The following SENP7 variants were observed in gnomAD, a reference collection of about 807,000 sequenced individuals.
SENP7 encodes the protein SUMO specific peptidase 7, also known as sentrin-specific protease 7.
SENP7 carries 64 observed loss-of-function variants against 141.2 expected under a neutral mutation model. The ratio of observed to expected loss-of-function variants is 0.45; its 90% confidence interval spans 0.37 to 0.56. The LOEUF (loss-of-function observed/expected upper bound fraction) is 0.56, where lower values mean the gene tolerates loss of function less well. Among genes scored for constraint, SENP7 ranks in the 20% least tolerant of loss-of-function variants. The pLI, the probability that SENP7 is intolerant of heterozygous loss-of-function variation, is 0.00. For missense variants in SENP7, 1,025 were observed against 1,212.2 expected (o/e 0.85, Z 2.29); for synonymous variants, 382 against 426.4 (o/e 0.90, Z 1.28).
intron 15 of SENP7, 108 bp from the exon 16 acceptor site, chr3:101,340,319 C>CT: frequency 7.5e-7 from 1 of 1,333,436 alleles, no homozygotes. Context: ...TAACTCAAAT[C>CT]TGTAGGGTAA....
At chr3:101,508,543 G>A (rs1417503652) in intron 1 of SENP7, among the ~76,000 whole-genome samples, 1 of 152,140 alleles carries the variant, frequency 6.6e-6, no homozygotes, top group East Asian at 1.9e-4. Flanking sequence ...AGCTTGCAGT[G>A]AGCCGAGATC....
intron 4 of SENP7, among the ~76,000 whole-genome samples, chr3:101,427,752 T>A (rs1379549554): frequency 6.6e-6 from 1 of 152,108 alleles, no homozygotes. Context: ...AACATGCAGG[T>A]CTGTTACATA....
intron 4 of SENP7, among the ~76,000 whole-genome samples, chr3:101,450,053 G>A (rs1023686054): frequency 1.3e-5 from 2 of 152,142 alleles, no homozygotes; most frequent in Non-Finnish European, 1.5e-5. Flanking sequence ...AAAGGCAGGG[G>A]TTGCAATCCT....
At chr3:101,360,541 A>G (rs1194764125) in intron 11 of SENP7, among the ~76,000 whole-genome samples, 2 of 152,228 alleles carry the variant, frequency 1.3e-5, no homozygotes, top group Admixed American at 6.5e-5. Context: ...TCCCTAACAC[A>G]GTGAAATATG....
At chr3:101,464,790 A>G (rs979387239) in intron 3 of SENP7, among the ~76,000 whole-genome samples, 4 of 152,178 alleles carry the variant, frequency 2.6e-5, no homozygotes, top group African/African-American at 9.7e-5. Flanking sequence ...ATTGTCTTCC[A>G]TGAAACCTGA....
At chr3:101,363,170 C>T (rs2059945830) in intron 10 of SENP7, 1 of 906,610 alleles carries the variant, frequency 1.1e-6, no homozygotes, top group Non-Finnish European at 1.3e-6. Context: ...TGTTTTATTG[C>T]TTAGTATACT....
At position 101,466,641 on chromosome 3, in the gene SENP7, A is replaced by G. The variant is rs80290254; in HGVS notation, c.187-7589T>C. 1.4e-3 allele frequency among the ~76,000 whole-genome samples: 211 copies of G among 152,324 alleles called. 2 individuals are homozygous for G. Among genetic ancestry groups the G allele is most frequent in the African/African-American group, 5.0e-3 (209 of 41,576 alleles). On this transcript the variant is annotated intron_variant, in intron 3 of 23. Transcript: ENST00000394095. ...AACACACAAAAGTATAAAACTCAAT[A>G]GTAGAGCAGACACACAAATAAGACA...
chr3:101,432,997 T>A (rs2062240903), intron 4 of SENP7, among the ~76,000 whole-genome samples: 1 of 152,182 alleles, frequency 6.6e-6, no homozygotes, highest in African/African-American at 2.4e-5. Context: ...AAACTACTCT[T>A]ATCCTACGTA....
At chr3:101,366,881 G>A (rs1043304839) in intron 8 of SENP7, 112 bp from the exon 9 acceptor site, 2 of 659,814 alleles carry the variant, frequency 3.0e-6, no homozygotes, top group Non-Finnish European at 5.0e-6. Context: ...TAACTACATG[G>A]ATAGAAAACT....
Position 101,372,013 on chromosome 3 carries a change from G to A in SENP7, c.791C>T (p.Pro264Leu). The A allele has an allele frequency of 6.8e-7, 1 of 1,474,348 alleles. No individual in the cohort carries two copies. Among genetic ancestry groups the A allele is most frequent in the Non-Finnish European group, 9.2e-7 (1 of 1,086,648 alleles). 91.3% of individuals were successfully genotyped at this position (1,474,348 alleles called of 1,614,324 possible). A position where few individuals can be genotyped will look rare whatever the true frequency, so the allele number is the denominator to read the frequency against. Reference protein sequence around the residue: ...GISLLISDTQPEDLNSGSRGC... With the variant: ...GISLLISDTQLEDLNSGSRGC... ...GTTTTCTAAGGTTCACAAACCTTCA[G>A]GCTGAGTATCAGATATTAAAAGAGA... Residue 264 changes from proline to leucine, a missense_variant, in exon 7 of 24, where the codon CCT (proline) becomes CTT (leucine). Around this residue, in one of 4 missense-constraint regions of SENP7, gnomAD observed 496 missense variants for 503.5 expected, o/e 0.99. Transcript: ENST00000394095.
rs1045094039 is a variant in SENP7 at position 101,331,835 on chromosome 3, T to C, written c.2698+150A>G. ...CAACTTCAGAATTATATTTTGTCTA[T>C]CATTAAAAATTTCAGATTTTTTATT... On this transcript the variant is annotated intron_variant, in intron 19 of 23. Coordinates refer to ENST00000394095, the MANE Select transcript of SENP7 (RefSeq NM_020654.5). The C allele has an allele frequency of 1.4e-5, 10 of 707,054 alleles. No individual in the cohort carries two copies. The African/African-American group carries it at 1.8e-4, about 13-fold the overall frequency. The allele number at this position is 707,054 out of a possible 1,614,324, so 43.8% of individuals were successfully genotyped here. A position where few individuals can be genotyped will look rare whatever the true frequency, so the allele number is the denominator to read the frequency against.
At chr3:101,504,446 C>G (rs890661382) in intron 1 of SENP7, among the ~76,000 whole-genome samples, 2 of 143,728 alleles carry the variant, frequency 1.4e-5, no homozygotes, top group African/African-American at 5.2e-5. Flanking sequence ...GCAACGAGGG[C>G]AAAATTCCAT....
At position 101,499,535 on chromosome 3, in the gene SENP7, A is replaced by ATTTTTTTTTTTTT. The variant is rs55855998; in HGVS notation, c.90+1522_90+1534dup. On this transcript the variant is annotated intron_variant, in intron 2 of 23. Transcript: ENST00000394095. ...AGGCACCTGCCATCATGCCCAGCTA[A>ATTTTTTTTTTTTT]TTTTTTTTTTTTTTCTTGGAGACAG... Among the ~76,000 whole-genome samples, 247 of 138,704 alleles carry ATTTTTTTTTTTTT rather than the reference A, an allele frequency of 1.8e-3. 4 individuals are homozygous for ATTTTTTTTTTTTT. The highest frequency in any genetic ancestry group is 5.3e-3 in the African/African-American group (195 of 36,690). 91.0% of individuals were successfully genotyped at this position (138,704 alleles called of 152,430 possible).
At chr3:101,471,852 G>C (rs2064009259) in intron 3 of SENP7, among the ~76,000 whole-genome samples, 1 of 152,042 alleles carries the variant, frequency 6.6e-6, no homozygotes, top group Non-Finnish European at 1.5e-5. Context: ...GATATGAACA[G>C]ACACTTCTCA....
intron 4 of SENP7, among the ~76,000 whole-genome samples, chr3:101,419,964 A>G (rs549319847): frequency 1.3e-5 from 2 of 152,338 alleles, no homozygotes; most frequent in South Asian, 4.1e-4. Flanking sequence ...AGTAGTGAAA[A>G]TGCGATTCAG....
At chr3:101,453,753 T>A (rs1056145476) in intron 4 of SENP7, among the ~76,000 whole-genome samples, 1 of 151,930 alleles carries the variant, frequency 6.6e-6, no homozygotes, top group South Asian at 2.1e-4. Context: ...CATTAGGAGA[T>A]ATACCTAATG....
At chr3:101,442,589 T>A (rs1318497455) in intron 4 of SENP7, among the ~76,000 whole-genome samples, 1 of 151,410 alleles carries the variant, frequency 6.6e-6, no homozygotes, top group Non-Finnish European at 1.5e-5. Context: ...GGGTTGGGGA[T>A]CCCAATCTAA....
chr3:101,359,472 T>A (rs1169806422), intron 11 of SENP7, among the ~76,000 whole-genome samples: 3 of 151,470 alleles, frequency 2.0e-5, no homozygotes. Context: ...CCAATTTGAA[T>A]GTACTTTCTT....
chr3:101,440,744 C>G (rs1431828234), intron 4 of SENP7, among the ~76,000 whole-genome samples: 2 of 152,044 alleles, frequency 1.3e-5, no homozygotes, highest in African/African-American at 2.4e-5. Context: ...GAATCTCCCT[C>G]TCGTATACAA....
Sources: allele counts gnomAD v4.1 joint callset (sites outside exome capture counted in the v4.1 genomes callset), GRCh38; gene constraint gnomAD v4.1.1; regional missense constraint gnomAD v4.1.1; transcripts MANE v1.5; gene names NCBI Gene and HGNC (gene_info 2026-07-23, HGNC 2026-07-21).